CCDC177: variants seen among roughly 807,000 people sequenced by gnomAD.
CCDC177 encodes coiled-coil domain-containing protein 177.
CCDC177 carries 2 observed loss-of-function variants against 7.3 expected under a neutral mutation model. That is an observed-to-expected ratio of 0.28 (90% CI 0.11 to 0.87). The LOEUF (loss-of-function observed/expected upper bound fraction) is 0.87, where lower values mean the gene tolerates loss of function less well. Among genes scored for constraint, CCDC177 ranks in the 40% least tolerant of loss-of-function variants. The pLI is 0.61. For synonymous variants in CCDC177, 401 were observed against 449.2 expected (o/e 0.89, Z 1.36); for missense variants, 874 against 970.5 (o/e 0.90, Z 1.32).
chr14:69,572,619 G>A lies in CCDC177; in HGVS notation c.1004C>T (p.Pro335Leu). 2 of 1,231,268 alleles carry A rather than the reference G, an allele frequency of 1.6e-6. No homozygotes were observed. Among genetic ancestry groups the A allele is most frequent in the South Asian group, 4.1e-5 (1 of 24,320 alleles). 76.3% of individuals were successfully genotyped at this position (1,231,268 alleles called of 1,614,324 possible). The part of the protein sequence containing the change: ...VRAERGLRGV[P>L]ERDRKIAALM... ...CGCCGCGATCTTCCGGTCACGCTCC[G>A]GCACCCCGCGCAGGCCGCGCTCTGC... The change falls in exon 2 of 2, where the codon CCG (proline) becomes CTG (leucine). Residue 335 changes from proline (P) to leucine (L), a missense_variant. Coordinates refer to ENST00000599174, the MANE Select transcript of CCDC177 (RefSeq NM_001271507.2).
At position 69,574,564 on chromosome 14, in the gene CCDC177, C is replaced by T. The variant is rs760113874; in HGVS notation, c.-51G>A. On this transcript the variant is annotated 5_prime_UTR_variant, in exon 1 of 2. Coordinates refer to ENST00000599174, the MANE Select transcript of CCDC177 (RefSeq NM_001271507.2). ...CACCCCGCGTCCTGGGCTTCGGCCC[C>T]GCGCCAAGGGCTTTTGTTCGCAGCT... The T allele has an allele frequency of 1.3e-5, 2 of 152,334 alleles. No homozygotes were observed. The highest frequency in any genetic ancestry group is 2.9e-5 in the Non-Finnish European group (2 of 68,114). 9.4% of individuals were successfully genotyped at this position (152,334 alleles called of 1,614,324 possible).
In CCDC177 at chr14:69,572,817, G is replaced by A. The variant is rs1270619232; in HGVS notation, c.806C>T (p.Ala269Val). 19 of 1,231,056 alleles carry A rather than the reference G, an allele frequency of 1.5e-5. No individual in the cohort carries two copies. Among genetic ancestry groups the A allele is most frequent in the Non-Finnish European group, 1.9e-5 (19 of 987,666 alleles). The allele number at this position is 1,231,056 out of a possible 1,614,324, so 76.3% of individuals were successfully genotyped here. The change falls in exon 2 of 2, where the codon GCC becomes GTC. Residue 269 changes from alanine to valine, a missense_variant. Transcript: ENST00000599174. ...CGCTGGGCAGCTGTTCCTGGCCGAG[G>A]CCCGAGGCGGCCAGCGCAGCTCCCT... Reference protein sequence around the residue: ...SLRELRWPPRASARNSCPAGS... With the variant: ...SLRELRWPPRVSARNSCPAGS...
chr14:69,572,418 C>G lies in CCDC177; in HGVS notation c.1205G>C (p.Arg402Pro), dbSNP rs1884346926. The change falls in exon 2 of 2, where the codon CGG (arginine) becomes CCG (proline). Residue 402 changes from arginine to proline, a missense_variant. Arg to Pro is a moderately radical substitution (Grantham distance 103). Coordinates refer to ENST00000599174, the MANE Select transcript of CCDC177 (RefSeq NM_001271507.2). Reference sequence around the variant, plus strand: ...CTCTTCGCGGCCACGGCGGCCTCGCCGCTCCTCCACCTGCGCGGCCCAGGC... The same window carrying G: ...CTCTTCGCGGCCACGGCGGCCTCGCGGCTCCTCCACCTGCGCGGCCCAGGC... ...RRAWAAQVEERRGRRGREERE... is the reference protein window; with the variant it reads ...RRAWAAQVEEPRGRRGREERE... The G allele has an allele frequency of 8.2e-7, 1 of 1,226,864 alleles. No individual in the cohort carries two copies. Among genetic ancestry groups the G allele is most frequent in the Non-Finnish European group, 1.0e-6 (1 of 984,922 alleles). 76.0% of individuals were successfully genotyped at this position (1,226,864 alleles called of 1,614,324 possible).
In CCDC177 at chr14:69,570,800, A is replaced by G; in HGVS notation, c.*699T>C. 2.2e-6 allele frequency: 1 copy of G among 457,636 alleles called. No homozygotes were observed. The highest frequency in any genetic ancestry group is 1.5e-5 in the South Asian group (1 of 64,562). The allele number at this position is 457,636 out of a possible 1,614,324, so 28.3% of individuals were successfully genotyped here. A position where few individuals can be genotyped will look rare whatever the true frequency, so the allele number is the denominator to read the frequency against. ...CAACCAATTTCCTGTGCCACTTGGT[A>G]GAATGAGGGAGGGGGCAAAGGACAA... On this transcript the variant is annotated 3_prime_UTR_variant, in exon 2 of 2. Coordinates refer to ENST00000599174, the MANE Select transcript of CCDC177 (RefSeq NM_001271507.2).
At position 69,573,520 on chromosome 14, in the gene CCDC177, G is replaced by T. The variant is rs1183491825; in HGVS notation, c.103C>A (p.Gln35Lys). The change falls in exon 2 of 2, where the codon CAG (glutamine) becomes AAG (lysine). Residue 35 changes from glutamine (Q) to lysine (K), a missense_variant. Transcript: ENST00000599174. ...ASVPPDSQGA[Q>K]EPAASSASAS... The stretch of plus-strand genomic sequence containing the variant: ...GAGGCCGAGGAAGCTGCGGGCTCCT[G>T]TGCGCCCTGGGAATCAGGGGGCACG... The T allele has an allele frequency of 8.1e-6, 10 of 1,231,658 alleles. No homozygotes were observed. The highest frequency in any genetic ancestry group is 6.2e-5 in the African/African-American group (4 of 64,556). The allele number at this position is 1,231,658 out of a possible 1,614,324, so 76.3% of individuals were successfully genotyped here. A position where few individuals can be genotyped will look rare whatever the true frequency, so the allele number is the denominator to read the frequency against.
rs867592885 is a variant in CCDC177, at chr14:69,571,763, C to T, written c.1860G>A (p.Glu620=). ...TGTTGGCGCGCTGGGCTCGTTCCTT[C>T]TCCAGCCGGCTCTGGCCCACGCGCC... is the stretch of plus-strand genomic sequence containing the variant. ...KARRVGQSRL[E]KERAQRANKE... is the part of the protein sequence containing the mutation. Residue 620 remains glutamate (E), a synonymous_variant, in exon 2 of 2, where the codon GAG becomes GAA. Coordinates refer to ENST00000599174, the MANE Select transcript of CCDC177 (RefSeq NM_001271507.2). 12 of 1,231,526 alleles carry T rather than the reference C, an allele frequency of 9.7e-6. No individual in the cohort carries two copies. The highest frequency in any genetic ancestry group is 6.2e-5 in the African/African-American group (4 of 64,422). 76.3% of individuals were successfully genotyped at this position (1,231,526 alleles called of 1,614,324 possible). A position where few individuals can be genotyped will look rare whatever the true frequency, so the allele number is the denominator to read the frequency against.
At position 69,571,924 on chromosome 14, in the gene CCDC177, C is replaced by A. The variant is rs916581439; in HGVS notation, c.1699G>T (p.Gly567Cys). 1.8e-5 allele frequency: 22 copies of A among 1,231,924 alleles called. No individual in the cohort carries two copies. Among genetic ancestry groups the A allele is most frequent in the African/African-American group, 9.3e-5 (6 of 64,416 alleles). The allele number at this position is 1,231,924 out of a possible 1,614,324, so 76.3% of individuals were successfully genotyped here. Residue 567 changes from glycine (G) to cysteine (C), a missense_variant, in exon 2 of 2, where the codon GGT (glycine) becomes TGT (cysteine). Transcript: ENST00000599174. Reference protein sequence around the residue: ...RERARREELQGRRAKEAAERK... With the variant: ...RERARREELQCRRAKEAAERK... ...TCTGCCGCCTCCTTGGCCCGCCGACCCTGCAGCTCCTCTCGCCGGGCCCGC... is the reference window on the plus strand; with the variant it reads ...TCTGCCGCCTCCTTGGCCCGCCGACACTGCAGCTCCTCTCGCCGGGCCCGC...
In CCDC177 at chr14:69,571,631, C is replaced by A; in HGVS notation, c.1992G>T (p.Ala664=). ...GGGCTGTGGAGCGGGCGCTCTCCAG[C>A]GCACTGCGCCGTTCCCGCGTCAGCT... ...SEQLTRERRS[A]LESARSTARA... The change falls in exon 2 of 2, where the codon GCG becomes GCT. Residue 664 remains alanine, a synonymous_variant. Transcript: ENST00000599174. 8.1e-7 allele frequency: 1 copy of A among 1,232,960 alleles called. No homozygotes were observed. Among genetic ancestry groups the A allele is most frequent in the East Asian group, 3.2e-5 (1 of 31,698 alleles). The allele number at this position is 1,232,960 out of a possible 1,614,324, so 76.4% of individuals were successfully genotyped here.
chr14:69,572,679 G>A lies in CCDC177; in HGVS notation c.944C>T (p.Ala315Val), dbSNP rs1406363391. 8.1e-6 allele frequency: 10 copies of A among 1,231,258 alleles called. No homozygotes were observed. In the Admixed American group the frequency reaches 2.1e-4, roughly 26 times the overall value. The allele number at this position is 1,231,258 out of a possible 1,614,324, so 76.3% of individuals were successfully genotyped here. A position where few individuals can be genotyped will look rare whatever the true frequency, so the allele number is the denominator to read the frequency against. Residue 315 changes from alanine (A) to valine (V), a missense_variant, in exon 2 of 2, where the codon GCT (alanine) becomes GTT (valine). Coordinates refer to ENST00000599174, the MANE Select transcript of CCDC177 (RefSeq NM_001271507.2). ...ACGCACGATGCGCTCCACGTGCTGA[G>A]CGGTCTGCGGCGAATGGCTCAGGTC... ...LGDLSHSPQT[A>V]QHVERIVRQV... is the part of the protein sequence containing the mutation.
rs967633218 is a variant in CCDC177, at chr14:69,571,851, G to C, written c.1772C>G (p.Ala591Gly). 41 of 1,231,398 alleles carry C rather than the reference G, an allele frequency of 3.3e-5. No individual in the cohort carries two copies. Among genetic ancestry groups the C allele is most frequent in the Non-Finnish European group, 3.6e-5 (36 of 987,934 alleles). The allele number at this position is 1,231,398 out of a possible 1,614,324, so 76.3% of individuals were successfully genotyped here. Residue 591 changes from alanine to glycine, a missense_variant, in exon 2 of 2, where the codon GCG (alanine) becomes GGG (glycine). Transcript: ENST00000599174. ...HQAHLEALAR[A>G]GERRLQHATQ... ...CGCGTGCTGCAGCCGTCGCTCCCCC[G>C]CCCGGGCCAGCGCCTCCAGGTGCGC...
chr14:69,571,581 T>G lies in CCDC177; in HGVS notation c.2042A>C (p.Lys681Thr), dbSNP rs1417958744. The G allele has an allele frequency of 7.0e-5, 87 of 1,235,446 alleles. No homozygotes were observed. Among genetic ancestry groups the G allele is most frequent in the Admixed American group, 1.6e-4 (4 of 24,730 alleles). The allele number at this position is 1,235,446 out of a possible 1,614,324, so 76.5% of individuals were successfully genotyped here. A position where few individuals can be genotyped will look rare whatever the true frequency, so the allele number is the denominator to read the frequency against. The change falls in exon 2 of 2, where the codon AAG (lysine) becomes ACG (threonine). Residue 681 changes from lysine to threonine, a missense_variant. Coordinates refer to ENST00000599174, the MANE Select transcript of CCDC177 (RefSeq NM_001271507.2). Reference protein sequence around the residue: ...TARASFHVREKVREETNTRSF... With the variant: ...TARASFHVRETVREETNTRSF... ...TCGCGTGTTGGTCTCCTCGCGCACCTTCTCACGCACGTGGAAGGAAGCCCG... is the reference window on the plus strand; with the variant it reads ...TCGCGTGTTGGTCTCCTCGCGCACCGTCTCACGCACGTGGAAGGAAGCCCG...
intron 1 of CCDC177, among the ~76,000 whole-genome samples, chr14:69,574,092 G>T (rs887836987): frequency 1.3e-5 from 2 of 152,220 alleles, no homozygotes; most frequent in African/African-American, 2.4e-5. Context: ...AAAAGCAAGA[G>T]GCCTGTTCAT....
Position 69,573,136 on chromosome 14 carries a change from G to T in CCDC177, c.487C>A (p.Leu163Ile). 3 of 1,229,090 alleles carry T rather than the reference G, an allele frequency of 2.4e-6. No individual in the cohort carries two copies. The highest frequency in any genetic ancestry group is 3.0e-6 in the Non-Finnish European group (3 of 986,366). The allele number at this position is 1,229,090 out of a possible 1,614,324, so 76.1% of individuals were successfully genotyped here. Reference protein sequence around the residue: ...ERIMREEKRRLFTPLSPAAAA... With the variant: ...ERIMREEKRRIFTPLSPAAAA... ...GCCGCGGGGCTCAAAGGCGTGAAAA[G>T]ACGCCGCTTCTCCTCGCGCATGATG... The change falls in exon 2 of 2, where the codon CTT becomes ATT. Residue 163 changes from leucine to isoleucine, a missense_variant. Transcript: ENST00000599174.
At position 69,570,654 on chromosome 14, in the gene CCDC177, G is replaced by C. The variant is rs562305135; in HGVS notation, c.*845C>G. The C allele has an allele frequency of 2.9e-4, 107 of 369,924 alleles. No individual in the cohort carries two copies. The highest frequency in any genetic ancestry group is 2.1e-3 in the South Asian group (103 of 48,444). 22.9% of individuals were successfully genotyped at this position (369,924 alleles called of 1,614,324 possible). On this transcript the variant is annotated 3_prime_UTR_variant, in exon 2 of 2. Coordinates refer to ENST00000599174, the MANE Select transcript of CCDC177 (RefSeq NM_001271507.2). ...CTCTGCTTCTTAAGGCATGACTGCT[G>C]TCTTCATGGAGTGGGCCCCACCCTG... is the stretch of plus-strand genomic sequence containing the variant.
chr14:69,571,098 C>A lies in CCDC177; in HGVS notation c.*401G>T. 1 of 470,234 alleles carries A rather than the reference C, an allele frequency of 2.1e-6. No individual in the cohort carries two copies. The allele number at this position is 470,234 out of a possible 1,614,324, so 29.1% of individuals were successfully genotyped here. A position where few individuals can be genotyped will look rare whatever the true frequency, so the allele number is the denominator to read the frequency against. On this transcript the variant is annotated 3_prime_UTR_variant, in exon 2 of 2. Transcript: ENST00000599174. The stretch of plus-strand genomic sequence containing the variant: ...GCAGTAGCAACACTGTCTCAGACAC[C>A]AATGTCGAACAGGTGCCTGGGGCAA...
chr14:69,574,517 CCG>C (rs1884396956), intron 1 of CCDC177, 23 bp downstream of exon 1: 1 of 152,312 alleles, frequency 6.6e-6, no homozygotes, highest in Admixed American at 6.5e-5. Flanking sequence ...CCCGCAGCTC[CCG>C]GTACCCGAGC....
Position 69,571,640 on chromosome 14 carries a change from C to A in CCDC177, c.1983G>T (p.Arg661=). 1 of 1,232,502 alleles carries A rather than the reference C, an allele frequency of 8.1e-7. No homozygotes were observed. Among genetic ancestry groups the A allele is most frequent in the African/African-American group, 1.5e-5 (1 of 64,552 alleles). The allele number at this position is 1,232,502 out of a possible 1,614,324, so 76.3% of individuals were successfully genotyped here. A position where few individuals can be genotyped will look rare whatever the true frequency, so the allele number is the denominator to read the frequency against. The change falls in exon 2 of 2, where the codon CGG becomes CGT. Residue 661 remains arginine, a synonymous_variant. Coordinates refer to ENST00000599174, the MANE Select transcript of CCDC177 (RefSeq NM_001271507.2). ...AGCGGGCGCTCTCCAGCGCACTGCG[C>A]CGTTCCCGCGTCAGCTGCTCGCTGC... ...LERSEQLTRE[R]RSALESARST...
rs1193578546 is a variant in CCDC177, at chr14:69,570,372, G to C, written c.*1127C>G. On this transcript the variant is annotated 3_prime_UTR_variant, in exon 2 of 2. Transcript: ENST00000599174. The stretch of plus-strand genomic sequence containing the variant: ...TGAGGGGGTACCAGGAAATTTAAGG[G>C]GGAGACTCTTTTTCCTGGGGGCAGG... 1 of 169,746 alleles carries C rather than the reference G, an allele frequency of 5.9e-6. No homozygotes were observed. The highest frequency in any genetic ancestry group is 1.3e-5 in the Non-Finnish European group (1 of 77,478). 10.5% of individuals were successfully genotyped at this position (169,746 alleles called of 1,614,324 possible). A position where few individuals can be genotyped will look rare whatever the true frequency, so the allele number is the denominator to read the frequency against.
rs1884323912 is a variant in CCDC177, at chr14:69,571,540, C to T, written c.2083G>A (p.Val695Met). 4.0e-6 allele frequency: 5 copies of T among 1,239,618 alleles called. No homozygotes were observed. Among genetic ancestry groups the T allele is most frequent in the Admixed American group, 7.8e-5 (2 of 25,752 alleles). 76.8% of individuals were successfully genotyped at this position (1,239,618 alleles called of 1,614,324 possible). A position where few individuals can be genotyped will look rare whatever the true frequency, so the allele number is the denominator to read the frequency against. ...CTGGCGTGTAGCTGGGCCTCCCGCACCATGCGGTCGAAGGATCGCGTGTTG... is the reference window on the plus strand; with the variant it reads ...CTGGCGTGTAGCTGGGCCTCCCGCATCATGCGGTCGAAGGATCGCGTGTTG... ...ETNTRSFDRM[V>M]REAQLHASLD... The change falls in exon 2 of 2, where the codon GTG (valine) becomes ATG (methionine). Residue 695 changes from valine to methionine, a missense_variant. Coordinates refer to ENST00000599174, the MANE Select transcript of CCDC177 (RefSeq NM_001271507.2).
Sources: allele counts gnomAD v4.1 joint callset (sites outside exome capture counted in the v4.1 genomes callset), GRCh38; gene constraint gnomAD v4.1.1; transcripts MANE v1.5; gene names NCBI Gene and HGNC (gene_info 2026-07-23, HGNC 2026-07-21).